Variants in ITGB4 observed in about 807,000 individuals in gnomAD.
ITGB4 encodes the protein integrin beta-4.
In ITGB4, 159 loss-of-function variants were observed where a neutral mutation model predicts 207.6. The observed-to-expected ratio is 0.77, with a 90% confidence interval of 0.67 to 0.87. The LOEUF (loss-of-function observed/expected upper bound fraction) is 0.87. Ranked by LOEUF, ITGB4 falls within the 40% of genes least tolerant of loss-of-function variation. The pLI, the probability that ITGB4 is intolerant of heterozygous loss-of-function variation, is 0.00. For synonymous variants in ITGB4, 1,020 were observed against 1,062.7 expected, an observed-to-expected ratio of 0.96 and a Z score of 0.78; for missense variants, 2,278 against 2,546.8, an observed-to-expected ratio of 0.89 and a Z score of 2.27.
rs62088209 is a variant in ITGB4 at position 75,735,898 on chromosome 17, T to A, written c.1658-153T>A. 0.068 allele frequency among the ~76,000 whole-genome samples: 10,389 copies of A among 152,132 alleles called. 460 individuals carry two copies. Among genetic ancestry groups the A allele is most frequent in the Non-Finnish European group, 0.1 (6,818 of 67,990 alleles). ...GAGGCAGAGATGGAGGGAAGGAGATTCCAGGAAAGTGAGGAAGAGATGACT... is the reference window on the plus strand; with the variant it reads ...GAGGCAGAGATGGAGGGAAGGAGATACCAGGAAAGTGAGGAAGAGATGACT... On this transcript the variant is annotated intron_variant, in intron 13 of 39. Coordinates refer to ENST00000200181, the MANE Select transcript of ITGB4 (RefSeq NM_000213.5).
rs55696316 is a variant in ITGB4 at position 75,757,119 on chromosome 17, T to C, written c.5218+12T>C. On this transcript the variant is annotated intron_variant, in intron 38 of 39. Coordinates refer to ENST00000200181, the MANE Select transcript of ITGB4 (RefSeq NM_000213.5). ...GTCCCAGGATGGAGGTAGGCACCTG[T>C]CCTTTCCTTCACCCCCACCCCTCCT... The C allele has an allele frequency of 3.2e-4, 520 of 1,612,508 alleles. 1 individual carries two copies. In the African/African-American group the frequency reaches 6.4e-3, roughly 20 times the overall value.
At chr17:75,756,361 A>G in intron 35 of ITGB4, 68 bp from the exon 36 acceptor site, 1 of 1,569,638 alleles carries the variant, frequency 6.4e-7, no homozygotes, top group South Asian at 1.1e-5. Context: ...CAGCTTAGGG[A>G]CGAGGAGGAT....
intron 26 of ITGB4, among the ~76,000 whole-genome samples, chr17:75,744,583 CCCATGT>C (rs2061194024): frequency 6.6e-6 from 1 of 152,088 alleles, no homozygotes; most frequent in Non-Finnish European, 1.5e-5. Context: ...GATCGAAGAC[CCCATGT>C]CCCCAGGCCA....
chr17:75,736,676 G>A lies in ITGB4; in HGVS notation c.1972G>A (p.Val658Met), dbSNP rs747235341. 1.3e-6 allele frequency: 2 copies of A among 1,597,016 alleles called. No homozygotes were observed. Among genetic ancestry groups the A allele is most frequent in the Admixed American group, 1.8e-5 (1 of 55,884 alleles). Residue 658 changes from valine (V) to methionine (M), a missense_variant, in exon 16 of 40, where the codon GTG becomes ATG. Transcript: ENST00000200181. ...CEECNFKVKM[V>M]DELKRAEEVV... ...GGAATGCAACTTCAAGGTCAAGATGGTGGACGAGCTTAAGAGAGGTAGGGG... is the reference window on the plus strand; with the variant it reads ...GGAATGCAACTTCAAGGTCAAGATGATGGACGAGCTTAAGAGAGGTAGGGG...
At position 75,727,511 on chromosome 17, in the gene ITGB4, T is replaced by C. The variant is rs1450127420; in HGVS notation, c.264+6T>C. 8 of 1,613,156 alleles carry C rather than the reference T, an allele frequency of 5.0e-6. No individual in the cohort carries two copies. The highest frequency in any genetic ancestry group is 5.9e-6 in the Non-Finnish European group (7 of 1,179,684). On this transcript the variant is annotated splice_donor_region_variant and intron_variant, in intron 4 of 39. Transcript: ENST00000200181. The surrounding 1 kb of genome is among the most constrained non-coding windows in gnomAD (Gnocchi z 6.0). ...GCAGCTTCCAAATCACAGAGGTGCCTGGTGTGGGGACTGGGGTGGGGGCTC... is the reference window on the plus strand; with the variant it reads ...GCAGCTTCCAAATCACAGAGGTGCCCGGTGTGGGGACTGGGGTGGGGGCTC...
Position 75,727,092 on chromosome 17 carries a change from C to T in ITGB4, c.80-103C>T, listed in dbSNP as rs1599215294. ...TGTCTCAAAATAAATAAATAAATAA[C>T]ATAAGGAGGGAATCCCCATCTCTCC... On this transcript the variant is annotated intron_variant, in intron 2 of 39. Transcript: ENST00000200181. This position sits in a 1 kb window ranked among gnomAD's most constrained non-coding sequence, Gnocchi z 6.0. 1 of 888,188 alleles carries T rather than the reference C, an allele frequency of 1.1e-6. No individual in the cohort carries two copies. Among genetic ancestry groups the T allele is most frequent in the Admixed American group, 2.0e-5 (1 of 50,300 alleles). The allele number at this position is 888,188 out of a possible 1,614,324, so 55.0% of individuals were successfully genotyped here.
chr17:75,730,276 G>C lies in ITGB4; in HGVS notation c.774G>C (p.Leu258=), dbSNP rs1305486707. 8.7e-6 allele frequency: 14 copies of C among 1,613,158 alleles called. No individual in the cohort carries two copies. Among genetic ancestry groups the C allele is most frequent in the Admixed American group, 1.7e-5 (1 of 60,010 alleles). ...DIGWRPDSTH[L]LVFSTESAFH... ...GCTGGCGCCCGGACAGCACCCACCT[G>C]CTGGTCTTCTCCACCGAGTCAGCCT... The change falls in exon 8 of 40, where the codon CTG becomes CTC. Residue 258 remains leucine, a synonymous_variant. Transcript: ENST00000200181.
chr17:75,722,316 G>T lies in ITGB4; in HGVS notation c.-11+704G>T, dbSNP rs527751845. Among the ~76,000 whole-genome samples the T allele has an allele frequency of 6.6e-6, 1 of 152,272 alleles. No individual in the cohort carries two copies. Among genetic ancestry groups the T allele is most frequent in the South Asian group, 2.1e-4 (1 of 4,822 alleles). ...GCTCAGCCTCTGGGGTGGCCCTCTG[G>T]CTGGGACTGGGGCTCTGGGGCTCCT... On this transcript the variant is annotated intron_variant, in intron 1 of 39. Coordinates refer to ENST00000200181, the MANE Select transcript of ITGB4 (RefSeq NM_000213.5). The surrounding 1 kb of genome is among the most constrained non-coding windows in gnomAD (Gnocchi z 6.2).
chr17:75,730,176 C>G, intron 7 of ITGB4, 65 bp from the exon 8 acceptor site: 1 of 1,604,356 alleles, frequency 6.2e-7, no homozygotes, highest in Non-Finnish European at 8.5e-7. Flanking sequence ...CCGTCCTACA[C>G]GACGCCGTGA....
In ITGB4 at chr17:75,757,480, G is replaced by C; in HGVS notation, c.5394G>C (p.Gln1798His). The C allele has an allele frequency of 1.2e-6, 2 of 1,612,992 alleles. No individual in the cohort carries two copies. The highest frequency in any genetic ancestry group is 1.7e-6 in the Non-Finnish European group (2 of 1,180,004). The stretch of plus-strand genomic sequence containing the variant: ...GCTCCCTCACCCGGCATGTGACCCA[G>C]GAGTTTGTGAGCCGGACACTGACCA... ...AGGSLTRHVT[Q>H]EFVSRTLTTS... Residue 1798 changes from glutamine (Q) to histidine (H), a missense_variant, in exon 40 of 40, where the codon CAG becomes CAC. Transcript: ENST00000200181.
In ITGB4 at chr17:75,757,116, C is replaced by T; in HGVS notation, c.5218+9C>T. 3 of 1,612,966 alleles carry T rather than the reference C, an allele frequency of 1.9e-6. No homozygotes were observed. The highest frequency in any genetic ancestry group is 2.5e-6 in the Non-Finnish European group (3 of 1,179,968). On this transcript the variant is annotated intron_variant, in intron 38 of 39. Transcript: ENST00000200181. ...AGAGTCCCAGGATGGAGGTAGGCAC[C>T]TGTCCTTTCCTTCACCCCCACCCCT...
rs140140182 is a variant in ITGB4 at position 75,757,210 on chromosome 17, G to C, written c.5229G>C (p.Pro1743=). 3 of 1,611,074 alleles carry C rather than the reference G, an allele frequency of 1.9e-6. No individual in the cohort carries two copies. Among genetic ancestry groups the C allele is most frequent in the Non-Finnish European group, 2.5e-6 (3 of 1,179,708 alleles). Residue 1743 remains proline, a synonymous_variant, in exon 39 of 40, where the codon CCG becomes CCC. Coordinates refer to ENST00000200181, the MANE Select transcript of ITGB4 (RefSeq NM_000213.5). ...ATCTGCCCACCCCAGGACCCTTCCCGCAGCTGGGCAGCCGTGCCGGGCTCT... is the reference window on the plus strand; with the variant it reads ...ATCTGCCCACCCCAGGACCCTTCCCCCAGCTGGGCAGCCGTGCCGGGCTCT... ...TIESQDGGPF[P]QLGSRAGLFQ...
At chr17:75,746,552 T>G (rs1308045887) in intron 26 of ITGB4, among the ~76,000 whole-genome samples, 1 of 150,296 alleles carries the variant, frequency 6.7e-6, no homozygotes, top group Non-Finnish European at 1.5e-5. Context: ...TTAGTAGAGA[T>G]AGGGTTTCGC....
Position 75,727,385 on chromosome 17 carries a change from C to T in ITGB4, c.163-19C>T. The T allele has an allele frequency of 6.2e-7, 1 of 1,613,786 alleles. No homozygotes were observed. On this transcript the variant is annotated intron_variant, in intron 3 of 39. Coordinates refer to ENST00000200181, the MANE Select transcript of ITGB4 (RefSeq NM_000213.5). This position sits in a 1 kb window ranked among gnomAD's most constrained non-coding sequence, Gnocchi z 6.0. ...GGGAATGGGTGCTGCCCCCAGTGAC[C>T]CCCTGTCCTTCTGGCCAGATGTTCA...
At position 75,731,819 on chromosome 17, in the gene ITGB4, A is replaced by G; in HGVS notation, c.1223A>G (p.Tyr408Cys). ...ACCACGGGGCCCCTGCAGGGTATAT[A>G]CCAGGTGCAGCTGCGGGCCCTTGAG... ...FHIRRGEVGI[Y>C]QVQLRALEHV... is the part of the protein sequence containing the mutation. The change falls in exon 11 of 40, where the codon TAC becomes TGC. Residue 408 changes from tyrosine (Y) to cysteine (C), a missense_variant. Coordinates refer to ENST00000200181, the MANE Select transcript of ITGB4 (RefSeq NM_000213.5). This position sits in a 1 kb window ranked among gnomAD's most constrained non-coding sequence, Gnocchi z 6.8. 6.3e-7 allele frequency: 1 copy of G among 1,595,204 alleles called. No individual in the cohort carries two copies. The highest frequency in any genetic ancestry group is 8.5e-7 in the Non-Finnish European group (1 of 1,171,078).
rs754191857 is a variant in ITGB4, at chr17:75,757,310, G to T, written c.5329G>T (p.Asp1777Tyr). 1 of 1,612,450 alleles carries T rather than the reference G, an allele frequency of 6.2e-7. No homozygotes were observed. Among genetic ancestry groups the T allele is most frequent in the Non-Finnish European group, 8.5e-7 (1 of 1,179,960 alleles). The stretch of plus-strand genomic sequence containing the variant: ...CAGCGCCACCGAGCCCTTCCTAGTG[G>T]GTGAGCACTGAGGGCTAGGGGATCC... ...HTSATEPFLV[D>Y]GLTLGAQHLE... Residue 1777 changes from aspartate to tyrosine, a missense_variant and splice_region_variant, in exon 39 of 40, where the codon GAT becomes TAT. Asp to Tyr is a radical substitution (Grantham distance 160). Transcript: ENST00000200181.
Position 75,740,955 on chromosome 17 carries a change from C to G in ITGB4, c.2610-27C>G. 13 of 1,614,064 alleles carry G rather than the reference C, an allele frequency of 8.1e-6. No homozygotes were observed. Among genetic ancestry groups the G allele is most frequent in the Non-Finnish European group, 1.1e-5 (13 of 1,180,018 alleles). ...AGGCCTCCACTTCAGGGCTATCTAG[C>G]TCACAGCGCCCTCTTTGTCCCCACA... On this transcript the variant is annotated intron_variant, in intron 22 of 39. Transcript: ENST00000200181. This position sits in a 1 kb window ranked among gnomAD's most constrained non-coding sequence, Gnocchi z 5.9.
chr17:75,723,204 G>A (rs1235832313), intron 1 of ITGB4, among the ~76,000 whole-genome samples: 2 of 152,200 alleles, frequency 1.3e-5, no homozygotes, highest in Non-Finnish European at 2.9e-5. Context: ...ACAGCCTTCT[G>A]TGCCTGGTCT....
At chr17:75,754,886 TTC>T in intron 34 of ITGB4, 71 bp downstream of exon 34, 1 of 1,603,868 alleles carries the variant, frequency 6.2e-7, no homozygotes. Flanking sequence ...AGCCTCGGGC[TTC>T]TGTCTGCTGT....
Sources: allele counts gnomAD v4.1 joint callset (sites outside exome capture counted in the v4.1 genomes callset), GRCh38; gene constraint gnomAD v4.1.1; non-coding constraint Gnocchi (gnomAD v3.1); transcripts MANE v1.5; gene names NCBI Gene and HGNC (gene_info 2026-07-23, HGNC 2026-07-21).